DOP1A: variants seen among roughly 807,000 people sequenced by gnomAD.
DOP1A encodes protein DOP1A.
Under a neutral mutation model 267.6 loss-of-function variants are expected in DOP1A, and 90 were observed. The ratio of observed to expected loss-of-function variants is 0.34; its 90% CI spans 0.28 to 0.40. The LOEUF (loss-of-function observed/expected upper bound fraction) is 0.40. Ranked by LOEUF, DOP1A falls within the 10% of genes least tolerant of loss-of-function variation. The pLI is 1.00. For missense variants in DOP1A, 2,437 were observed against 2,900.4 expected (o/e 0.84, Z 3.67); for synonymous variants, 932 against 999.1 (o/e 0.93, Z 1.27).
At chr6:83,086,912 A>G (rs1769363778) in intron 1 of DOP1A, among the ~76,000 whole-genome samples, 1 of 148,696 alleles carries the variant, frequency 6.7e-6, no homozygotes, top group Non-Finnish European at 1.5e-5. Context: ...TTTTAATTTT[A>G]GTTTTAGTTT....
Position 83,122,863 on chromosome 6 carries a change from T to C in DOP1A, c.1221T>C (p.Ser407=). 6.8e-7 allele frequency: 1 copy of C among 1,465,628 alleles called. No individual in the cohort carries two copies. The highest frequency in any genetic ancestry group is 9.0e-7 in the Non-Finnish European group (1 of 1,106,836). 90.8% of individuals were successfully genotyped at this position (1,465,628 alleles called of 1,614,324 possible). A position where few individuals can be genotyped will look rare whatever the true frequency, so the allele number is the denominator to read the frequency against. The change falls in exon 12 of 39, where the codon AGT becomes AGC. Residue 407 remains serine (S), a splice_region_variant and synonymous_variant. Transcript: ENST00000349129. The part of the protein sequence containing the change: ...PFSKDHAQLS[S]KLRENKKTAE... ...TTTGTTTTCTTTTCTCTTTTTTCAG[T>C]AAATTAAGAGAAAATAAGAAAACAG...
intron 20 of DOP1A, among the ~76,000 whole-genome samples, chr6:83,136,293 T>C (rs1778851788): frequency 6.6e-6 from 1 of 152,158 alleles, no homozygotes; most frequent in Non-Finnish European, 1.5e-5. Context: ...TGCTCAACTT[T>C]CAAGGTTTTA....
In DOP1A at chr6:83,101,109, G is replaced by A. The variant is rs191078689; in HGVS notation, c.320+223G>A. ...TGGCTCACTGCAAGCTCTGCCTCCC[G>A]GGTTCACGCCATTCTCCTGCCTCAG... On this transcript the variant is annotated intron_variant, in intron 4 of 38. Coordinates refer to ENST00000349129, the MANE Select transcript of DOP1A (RefSeq NM_015018.4). Among the ~76,000 whole-genome samples the A allele has an allele frequency of 8.9e-4, 135 of 152,162 alleles. 1 individual carries two copies. Among genetic ancestry groups the A allele is most frequent in the African/African-American group, 3.1e-3 (128 of 41,520 alleles).
chr6:83,118,091 T>C (rs529405239), intron 7 of DOP1A, among the ~76,000 whole-genome samples: 1 of 152,296 alleles, frequency 6.6e-6, no homozygotes, highest in South Asian at 2.1e-4. Context: ...ACCTGTGAGG[T>C]TTAGATTCTT....
At chr6:83,147,668 G>T (rs1375746478) in intron 26 of DOP1A, among the ~76,000 whole-genome samples, 2 of 152,112 alleles carry the variant, frequency 1.3e-5, no homozygotes, top group Admixed American at 1.3e-4. Flanking sequence ...TATGATTTGA[G>T]TTTTTATAAC....
chr6:83,114,918 A>C (rs16881110), intron 7 of DOP1A, among the ~76,000 whole-genome samples: 14,293 of 152,226 alleles, frequency 0.094, 871 homozygotes, highest in East Asian at 0.15. Flanking sequence ...ATTCTAATAT[A>C]GTTCTCCCTA....
rs372670897 is a variant in DOP1A, at chr6:83,148,800, T to C, written c.5774T>C (p.Leu1925Ser). 6.4e-7 allele frequency: 1 copy of C among 1,563,570 alleles called. No homozygotes were observed. The highest frequency in any genetic ancestry group is 1.4e-5 in the African/African-American group (1 of 71,068). The stretch of plus-strand genomic sequence containing the variant: ...TTAGTGGATAGCTGGGCGTCACTGT[T>C]GATACTTCTGAAAGACTCTATACAA... ...PNLVDSWASL[L>S]ILLKDSIQLS... The change falls in exon 27 of 39, where the codon TTG becomes TCG. Residue 1925 changes from leucine to serine, a missense_variant. Physicochemically the swap from Leu to Ser is moderately radical, Grantham distance 145. Around this residue, in one of 9 missense-constraint regions of DOP1A, gnomAD observed 216 missense variants for 283.3 expected, o/e 0.76. Transcript: ENST00000349129.
At chr6:83,170,286 T>C (rs115918938), downstream of DOP1A, 1,803 of 1,611,944 alleles carry the variant, frequency 1.1e-3, 22 homozygotes, top group African/African-American at 0.022. Context: ...TCTTTTTCAA[T>C]AGAACTATCC....
chr6:83,071,478 G>A (rs1242540554), intron 1 of DOP1A, among the ~76,000 whole-genome samples: 1 of 152,088 alleles, frequency 6.6e-6, no homozygotes, highest in East Asian at 1.9e-4. Context: ...AAAATGCTGG[G>A]ATTACAGACA....
chr6:83,108,352 AT>A (rs1562305467), intron 4 of DOP1A, among the ~76,000 whole-genome samples: 2 of 152,004 alleles, frequency 1.3e-5, no homozygotes, highest in Non-Finnish European at 2.9e-5. Flanking sequence ...GCTAATTTTT[AT>A]TTTTTGTAGA....
At chr6:83,157,343 G>T (rs1331022655) in intron 35 of DOP1A, 25 bp downstream of exon 35, 9 of 1,607,004 alleles carry the variant, frequency 5.6e-6, no homozygotes, top group East Asian at 2.2e-5. Flanking sequence ...ATTCAGTCAG[G>T]TTATAAATCT....
chr6:83,158,488 A>G, intron 35 of DOP1A, 79 bp from the exon 36 acceptor site: 2 of 1,130,236 alleles, frequency 1.8e-6, no homozygotes, highest in Non-Finnish European at 2.6e-6. Context: ...TTTTGCGTTA[A>G]TGAAAATACA....
chr6:83,156,208 A>G (rs1459752949), intron 34 of DOP1A, 105 bp downstream of exon 34: 2 of 877,128 alleles, frequency 2.3e-6, no homozygotes, highest in Non-Finnish European at 3.3e-6. Flanking sequence ...TCAAGTGTAG[A>G]TCAATCGGGA....
chr6:83,132,039 C>A, intron 17 of DOP1A, 137 bp from the exon 18 acceptor site: 3 of 974,004 alleles, frequency 3.1e-6, no homozygotes, highest in East Asian at 2.6e-5. Flanking sequence ...GCCTTAGTAA[C>A]CTCATCCCCA....
chr6:83,124,447 C>A (rs1383585274), intron 12 of DOP1A, among the ~76,000 whole-genome samples: 2 of 151,992 alleles, frequency 1.3e-5, no homozygotes, highest in Admixed American at 1.3e-4. Flanking sequence ...GGAAATAAGT[C>A]CCAGAAAGTG....
chr6:83,075,179 A>G (rs942685946), intron 1 of DOP1A, among the ~76,000 whole-genome samples: 3 of 152,182 alleles, frequency 2.0e-5, no homozygotes, highest in Non-Finnish European at 4.4e-5. Flanking sequence ...AAATCAATGT[A>G]TACACTTAAT....
intron 1 of DOP1A, among the ~76,000 whole-genome samples, chr6:83,069,061 A>C (rs1032923413): frequency 1.2e-4 from 19 of 152,370 alleles, no homozygotes; most frequent in Admixed American, 7.8e-4. Context: ...ATACATTCAA[A>C]GAAGTCCTAT....
intron 4 of DOP1A, among the ~76,000 whole-genome samples, chr6:83,103,644 CT>C (rs1401556503): frequency 6.6e-6 from 1 of 152,118 alleles, no homozygotes; most frequent in Non-Finnish European, 1.5e-5. Context: ...TATTTTCTAA[CT>C]TTTTGTCCTT....
chr6:83,097,258 A>G, intron 3 of DOP1A, 143 bp downstream of exon 3: 1 of 855,712 alleles, frequency 1.2e-6, no homozygotes, highest in South Asian at 1.9e-5. Flanking sequence ...ATTTTTCTTC[A>G]TGAGTTGCAT....
Sources: gnomAD v4.1 joint callset for allele counts (sites outside exome capture counted in the v4.1 genomes callset) on GRCh38, gnomAD v4.1.1 for gene constraint, gnomAD v4.1.1 regional missense constraint, MANE v1.5 for transcripts, NCBI Gene and HGNC (gene_info 2026-07-23, HGNC 2026-07-21) for gene names.